The following FAAH2 variants were observed in gnomAD, a reference collection of about 807,000 sequenced individuals.
FAAH2 encodes the protein fatty-acid amide hydrolase 2.
FAAH2 carries 60 observed loss-of-function variants against 36.9 expected under a neutral mutation model. The ratio of observed to expected loss-of-function variants is 1.63; its 90% CI spans 1.32 to 2.02. FAAH2 has a LOEUF of 2.02. FAAH2 is among the 30% of genes most tolerant of loss of function. FAAH2 has a pLI of 0.00. For synonymous variants in FAAH2, 214 were observed against 143.8 expected (o/e 1.49, Z -3.49); for missense variants, 689 against 397.5 (o/e 1.73, Z -6.23).
At chrX:57,344,021 T>C (rs2053757067) in intron 5 of FAAH2, among the ~76,000 whole-genome samples, 2 of 111,313 alleles carry the variant, frequency 1.8e-5, no homozygotes, top group African/African-American at 6.5e-5. Flanking sequence ...AGTCGTACAA[T>C]ACAGTTTTAA....
chrX:57,402,466 A>G (rs2055462572), intron 7 of FAAH2, among the ~76,000 whole-genome samples: 3 of 111,227 alleles, frequency 2.7e-5, no homozygotes, highest in South Asian at 3.8e-4. Context: ...CCTGATCTCT[A>G]TTATAAAAAA....
At chrX:57,412,721 TC>T (rs992716367) in intron 7 of FAAH2, among the ~76,000 whole-genome samples, 4 of 112,025 alleles carry the variant, frequency 3.6e-5, no homozygotes, top group African/African-American at 1.3e-4. Context: ...TAATCTATAA[TC>T]CTTTGGGTAT....
At chrX:57,327,820 G>T (rs1300734542) in intron 3 of FAAH2, among the ~76,000 whole-genome samples, 1 of 111,644 alleles carries the variant, frequency 9.0e-6, no homozygotes, top group Non-Finnish European at 1.9e-5. Flanking sequence ...TTGATAATCT[G>T]AAGCCTTCTT....
chrX:57,462,743 C>T (rs1372744310), intron 10 of FAAH2, among the ~76,000 whole-genome samples: 4 of 112,293 alleles, frequency 3.6e-5, no homozygotes, highest in African/African-American at 1.3e-4. Context: ...CTCTAACAAC[C>T]AACACAAGAC....
rs192698070 is a variant in FAAH2, at chrX:57,456,998, A to T, written c.1423+8280A>T. Among the ~76,000 whole-genome samples the T allele has an allele frequency of 4.3e-3, 473 of 111,121 alleles. 3 individuals carry two copies. The highest frequency in any genetic ancestry group is 0.015 in the African/African-American group (452 of 30,608). On this transcript the variant is annotated intron_variant, in intron 10 of 10. Transcript: ENST00000374900. ...GCAGAGACAAAATGTAAAGTAAAAT[A>T]AAAAAAAATTCAAGTCAATATCCCT...
the FAAH2 span, among the ~76,000 whole-genome samples, chrX:57,233,227 G>A: frequency 9.0e-6 from 1 of 111,540 alleles, no homozygotes; most frequent in Non-Finnish European, 1.9e-5. Context: ...GTGATAGATA[G>A]TGTGGGAGAG....
the FAAH2 span, among the ~76,000 whole-genome samples, chrX:57,163,166 GC>G: frequency 8.9e-6 from 1 of 112,183 alleles, no homozygotes; most frequent in Non-Finnish European, 1.9e-5. Flanking sequence ...TCCCAGTTAT[GC>G]TGCTTGGGGG....
At chrX:57,318,722 A>C (rs2052921751) in intron 3 of FAAH2, among the ~76,000 whole-genome samples, 1 of 112,072 alleles carries the variant, frequency 8.9e-6, no homozygotes, top group Admixed American at 9.5e-5. Flanking sequence ...CAACAAAAAA[A>C]GAAAATTTCA....
intron 10 of FAAH2, among the ~76,000 whole-genome samples, chrX:57,461,959 A>T (rs933847821): frequency 9.1e-6 from 1 of 110,443 alleles, no homozygotes; most frequent in Non-Finnish European, 1.9e-5. Context: ...AAAAATGATA[A>T]AGGGAATGTC....
At chrX:57,306,490 G>T (rs1158739780) in intron 2 of FAAH2, among the ~76,000 whole-genome samples, 1 of 109,891 alleles carries the variant, frequency 9.1e-6, no homozygotes, top group Admixed American at 9.8e-5. Context: ...TGAACAACTA[G>T]ACCCTGGGAA....
chrX:57,170,697 ATGTG>A, the FAAH2 span, among the ~76,000 whole-genome samples: 11,215 of 99,996 alleles, frequency 0.11, 1,638 homozygotes, highest in African/African-American at 0.38. Context: ...TATTTACTTT[ATGTG>A]TGTGTGTGTG....
At chrX:57,138,823 A>G in the FAAH2 span, among the ~76,000 whole-genome samples, 1 of 111,895 alleles carries the variant, frequency 8.9e-6, no homozygotes, top group East Asian at 2.8e-4. Context: ...GCGATTTAGA[A>G]TACTTTTTAT....
At chrX:57,436,405 A>G (rs2056411619) in intron 8 of FAAH2, among the ~76,000 whole-genome samples, 1 of 110,453 alleles carries the variant, frequency 9.1e-6, no homozygotes, top group Admixed American at 9.7e-5. Flanking sequence ...ACCAAAAAGG[A>G]AAGGTAGAAG....
chrX:57,187,585 AG>A, the FAAH2 span, among the ~76,000 whole-genome samples: 1 of 111,205 alleles, frequency 9.0e-6, no homozygotes, highest in South Asian at 3.9e-4. Context: ...TGCTCTGACC[AG>A]AACTTCCAAT....
At chrX:57,481,476 T>G (rs148550193) in intron 10 of FAAH2, among the ~76,000 whole-genome samples, 3 of 112,061 alleles carry the variant, frequency 2.7e-5, no homozygotes, top group African/African-American at 9.7e-5. Flanking sequence ...GTTTATTAGT[T>G]TTTCTTCTAA....
At chrX:57,202,498 C>T in the FAAH2 span, among the ~76,000 whole-genome samples, 1 of 111,867 alleles carries the variant, frequency 8.9e-6, no homozygotes, top group Non-Finnish European at 1.9e-5. Flanking sequence ...TGGAGTTTCT[C>T]TCTCTGTTTT....
chrX:57,389,106 G>A (rs2055097904), intron 7 of FAAH2, among the ~76,000 whole-genome samples: 1 of 106,193 alleles, frequency 9.4e-6, no homozygotes, highest in Non-Finnish European at 1.9e-5. Context: ...ATTCAATTAG[G>A]TAGTACCAAG....
the FAAH2 span, among the ~76,000 whole-genome samples, chrX:57,274,013 G>T: frequency 9.0e-6 from 1 of 110,937 alleles, no homozygotes; most frequent in African/African-American, 3.3e-5. Flanking sequence ...TAGACTGCTA[G>T]CCAGACTAAT....
chrX:57,387,854 GA>G (rs1444196883), intron 7 of FAAH2, among the ~76,000 whole-genome samples: 1 of 111,149 alleles, frequency 9.0e-6, no homozygotes, highest in African/African-American at 3.3e-5. Flanking sequence ...GGAGGAACAT[GA>G]GAATGAGTGA....
Sources: gnomAD v4.1 joint callset for allele counts (sites outside exome capture counted in the v4.1 genomes callset) on GRCh38, gnomAD v4.1.1 for gene constraint, MANE v1.5 for transcripts, NCBI Gene and HGNC (gene_info 2026-07-23, HGNC 2026-07-21) for gene names.